Variants in ITGA1 observed in about 807,000 individuals in gnomAD.
ITGA1 encodes integrin subunit alpha 1, also known as integrin alpha-1.
A neutral mutation model predicts 145.9 loss-of-function variants in ITGA1; 85 were observed. The ratio of observed to expected loss-of-function variants is 0.58; its 90% confidence interval spans 0.49 to 0.70. The LOEUF (loss-of-function observed/expected upper bound fraction) is 0.70. Ranked by LOEUF, ITGA1 falls within the 30% of genes least tolerant of loss-of-function variation. The pLI, the probability that ITGA1 is intolerant of heterozygous loss-of-function variation, is 0.00. For missense variants in ITGA1, 1,351 were observed against 1,418.7 expected, an observed-to-expected ratio of 0.95 and a Z score of 0.77; for synonymous variants, 520 against 495.3, an observed-to-expected ratio of 1.05 and a Z score of -0.66.
At chr5:52,847,649 T>A (rs564535895) in intron 1 of ITGA1, among the ~76,000 whole-genome samples, 1 of 152,174 alleles carries the variant, frequency 6.6e-6, no homozygotes, top group Non-Finnish European at 1.5e-5. Flanking sequence ...GTCTCCCAGG[T>A]TCAAGCGGTG....
At chr5:52,818,734 G>A (rs1748818086) in intron 1 of ITGA1, among the ~76,000 whole-genome samples, 1 of 152,124 alleles carries the variant, frequency 6.6e-6, no homozygotes. Context: ...TCAGTGCCCT[G>A]ACAAAGCATC....
At chr5:52,925,177 A>G in intron 18 of ITGA1, 101 bp from the exon 19 acceptor site, 4 of 808,548 alleles carry the variant, frequency 4.9e-6, no homozygotes, top group Non-Finnish European at 8.3e-6. Context: ...GAGTTGCTTA[A>G]CTTACTTTGG....
chr5:52,872,575 ATTT>A (rs58664401), intron 6 of ITGA1, among the ~76,000 whole-genome samples: 2 of 98,358 alleles, frequency 2.0e-5, no homozygotes, highest in African/African-American at 3.6e-5. Context: ...GCCTCAGTCA[ATTT>A]TTTTTTTTTT....
chr5:52,867,276 G>A (rs1749702751), intron 6 of ITGA1: 2 of 152,172 alleles, frequency 1.3e-5, no homozygotes, highest in Admixed American at 1.3e-4. Flanking sequence ...AAAGTGAAAT[G>A]TATTGCTGCA....
At chr5:52,831,885 C>T (rs1749077448) in intron 1 of ITGA1, among the ~76,000 whole-genome samples, 1 of 152,098 alleles carries the variant, frequency 6.6e-6, no homozygotes, top group African/African-American at 2.4e-5. Context: ...CTCTTTTACT[C>T]TCTGTCCTTT....
intron 28 of ITGA1, among the ~76,000 whole-genome samples, chr5:52,949,486 G>A (rs1751186231): frequency 6.6e-6 from 1 of 152,040 alleles, no homozygotes; most frequent in Non-Finnish European, 1.5e-5. Context: ...TTACACCTGA[G>A]GACATTAAAG....
chr5:52,851,782 T>C, intron 2 of ITGA1, among the ~76,000 whole-genome samples: 1 of 152,156 alleles, frequency 6.6e-6, no homozygotes, highest in South Asian at 2.1e-4. Context: ...TCTCTGAAAA[T>C]ATTTGTTGGT....
rs761305236 is a variant in ITGA1 at position 52,952,408 on chromosome 5, T to C, written c.3497T>C (p.Ile1166Thr). 2.7e-5 allele frequency: 38 copies of C among 1,420,152 alleles called. No homozygotes were observed. Among genetic ancestry groups the C allele is most frequent in the Non-Finnish European group, 1.9e-6 (2 of 1,041,174 alleles). The allele number at this position is 1,420,152 out of a possible 1,614,324, so 88.0% of individuals were successfully genotyped here. ...TTATGTTTTGTGTTTTCTCAACAGATTGGATTCTTCAAAAGACCACTGAAA... is the reference window on the plus strand; with the variant it reads ...TTATGTTTTGTGTTTTCTCAACAGACTGGATTCTTCAAAAGACCACTGAAA... The part of the protein sequence containing the change: ...LMLLILALWK[I>T]GFFKRPLKKK... The change falls in exon 29 of 29, where the codon ATT becomes ACT. Residue 1166 changes from isoleucine (I) to threonine (T), a missense_variant and splice_region_variant. Coordinates refer to ENST00000282588, the MANE Select transcript of ITGA1 (RefSeq NM_181501.2).
intron 3 of ITGA1, among the ~76,000 whole-genome samples, chr5:52,863,472 T>C (rs1189083369): frequency 6.6e-6 from 1 of 150,732 alleles, no homozygotes; most frequent in Admixed American, 6.6e-5. Context: ...CTTCCCTAGG[T>C]TGGGGGTGGG....
At chr5:52,801,766 G>GAA (rs1561212450) in intron 1 of ITGA1, 1 of 1,613,938 alleles carries the variant, frequency 6.2e-7, no homozygotes, top group Non-Finnish European at 8.5e-7. Context: ...GTTGACTGGG[G>GAA]TAGCTGCCAT....
At chr5:52,907,069 T>G (rs1309173379) in intron 12 of ITGA1, among the ~76,000 whole-genome samples, 1 of 152,210 alleles carries the variant, frequency 6.6e-6, no homozygotes, top group East Asian at 1.9e-4. Context: ...ACAGCCTGAA[T>G]ACAATATTCC....
chr5:52,856,736 C>A (rs916717261), intron 2 of ITGA1, among the ~76,000 whole-genome samples: 2 of 151,256 alleles, frequency 1.3e-5, no homozygotes, highest in Non-Finnish European at 2.9e-5. Flanking sequence ...AAAATTTAAT[C>A]CTCACTTCCT....
chr5:52,888,170 A>T (rs1263298347), intron 8 of ITGA1, among the ~76,000 whole-genome samples: 1 of 149,378 alleles, frequency 6.7e-6, no homozygotes, highest in East Asian at 1.9e-4. Flanking sequence ...ACAGACACTC[A>T]ACAAACAATC....
At chr5:52,919,700 T>A (rs952984586) in intron 16 of ITGA1, among the ~76,000 whole-genome samples, 8 of 152,236 alleles carry the variant, frequency 5.3e-5, no homozygotes, top group Non-Finnish European at 1.2e-4. Flanking sequence ...TGATTTTGAG[T>A]TTTATATGTA....
At chr5:52,906,860 A>AAAG (rs1750416577) in intron 12 of ITGA1, among the ~76,000 whole-genome samples, 1 of 152,116 alleles carries the variant, frequency 6.6e-6, no homozygotes, top group Non-Finnish European at 1.5e-5. Context: ...GTGCAGGGAT[A>AAAG]CTCACATTAG....
At chr5:52,845,865 T>C (rs1047644164) in intron 1 of ITGA1, among the ~76,000 whole-genome samples, 14 of 152,120 alleles carry the variant, frequency 9.2e-5, no homozygotes, top group Non-Finnish European at 2.9e-5. Context: ...GTTCAAAAAA[T>C]AAATACACAA....
intron 12 of ITGA1, 135 bp downstream of exon 12, chr5:52,906,043 T>C: frequency 2.9e-6 from 2 of 694,406 alleles, no homozygotes; most frequent in Non-Finnish European, 4.7e-6. Context: ...CTGTGTTAGG[T>C]TCTTTGGAAG....
At chr5:52,803,617 A>C (rs938960397) in intron 1 of ITGA1, 1 of 152,212 alleles carries the variant, frequency 6.6e-6, no homozygotes, top group Non-Finnish European at 1.5e-5. Flanking sequence ...CTAGTTAAAT[A>C]ACGTTTTATC....
chr5:52,927,400 G>A (rs1750827554), intron 19 of ITGA1, among the ~76,000 whole-genome samples, 184 bp from the exon 20 acceptor site: 2 of 152,184 alleles, frequency 1.3e-5, no homozygotes, highest in Admixed American at 1.3e-4. Flanking sequence ...ACCCACAAGT[G>A]ATGTTTTAGG....
Sources: gnomAD v4.1 joint callset for allele counts (sites outside exome capture counted in the v4.1 genomes callset) on GRCh38, gnomAD v4.1.1 for gene constraint, MANE v1.5 for transcripts, NCBI Gene and HGNC (gene_info 2026-07-23, HGNC 2026-07-21) for gene names.